Variants in IGFBP4 observed in about 807,000 individuals in gnomAD.
IGFBP4 encodes insulin like growth factor binding protein 4.
A neutral mutation model predicts 25.8 loss-of-function variants in IGFBP4; 9 were observed. The ratio of observed to expected loss-of-function variants is 0.35; its 90% CI spans 0.21 to 0.61. The LOEUF is 0.61. Among genes scored for constraint, IGFBP4 ranks in the 20% least tolerant of loss-of-function variants. IGFBP4 has a pLI of 0.77. For synonymous variants in IGFBP4, 153 were observed against 153.9 expected (o/e 0.99, Z 0.05); for missense variants, 315 against 365.3 (o/e 0.86, Z 1.12).
At chr17:40,447,012 T>C (rs2035651345) in intron 1 of IGFBP4, among the ~76,000 whole-genome samples, 1 of 152,224 alleles carries the variant, frequency 6.6e-6, no homozygotes, top group Admixed American at 6.5e-5. Context: ...GGCCACTGTC[T>C]GCTTTAGGTC....
intron 1 of IGFBP4, among the ~76,000 whole-genome samples, chr17:40,451,966 T>C (rs988750799): frequency 3.3e-5 from 5 of 152,134 alleles, no homozygotes; most frequent in African/African-American, 4.8e-5. Flanking sequence ...GCCTCCTGAG[T>C]AGCTAGGACT....
rs775283030 is a variant in IGFBP4, at chr17:40,454,055, C to G, written c.635C>G (p.Pro212Arg). ...PNCDRNGNFHPKQCHPALDGQ... is the reference protein window; with the variant it reads ...PNCDRNGNFHRKQCHPALDGQ... ...TGCGACCGCAACGGCAACTTCCACC[C>G]CAAGCAGGTGGGTCTCTGTCTCCCG... Residue 212 changes from proline (P) to arginine (R), a missense_variant, in exon 3 of 4, where the codon CCC (proline) becomes CGC (arginine). Pro to Arg is a moderately radical substitution (Grantham distance 103). Coordinates refer to ENST00000269593, the MANE Select transcript of IGFBP4 (RefSeq NM_001552.3). The G allele has an allele frequency of 6.2e-7, 1 of 1,612,470 alleles. No homozygotes were observed. The highest frequency in any genetic ancestry group is 8.5e-7 in the Non-Finnish European group (1 of 1,179,304).
In IGFBP4 at chr17:40,456,652, C is replaced by T; in HGVS notation, c.*69C>T. 1.3e-6 allele frequency: 2 copies of T among 1,484,406 alleles called. No homozygotes were observed. The highest frequency in any genetic ancestry group is 1.8e-6 in the Non-Finnish European group (2 of 1,093,498). 92.0% of individuals were successfully genotyped at this position (1,484,406 alleles called of 1,614,324 possible). ...GTGCTCTGGAGGCTGCAGAGCTGAC[C>T]CAGAGTGGAGTCTGAGTCTGAGTCC... On this transcript the variant is annotated 3_prime_UTR_variant, in exon 4 of 4. Transcript: ENST00000269593.
In IGFBP4 at chr17:40,454,045, A is replaced by C. The variant is rs759138794; in HGVS notation, c.625A>C (p.Asn209His). ...IPIPNCDRNG[N>H]FHPKQCHPAL... ...CATCCCCAACTGCGACCGCAACGGC[A>C]ACTTCCACCCCAAGCAGGTGGGTCT... The change falls in exon 3 of 4, where the codon AAC (asparagine) becomes CAC (histidine). Residue 209 changes from asparagine to histidine, a missense_variant. Asn to His is a moderately conservative substitution (Grantham distance 68, BLOSUM62 1). Transcript: ENST00000269593. 2 of 1,612,418 alleles carry C rather than the reference A, an allele frequency of 1.2e-6. No homozygotes were observed. Among genetic ancestry groups the C allele is most frequent in the Non-Finnish European group, 1.7e-6 (2 of 1,179,374 alleles).
chr17:40,453,042 G>A lies in IGFBP4; in HGVS notation c.407G>A (p.Arg136His), dbSNP rs763326240. The A allele has an allele frequency of 3.9e-5, 62 of 1,597,400 alleles. No individual in the cohort carries two copies. The highest frequency in any genetic ancestry group is 4.7e-5 in the Non-Finnish European group (55 of 1,171,824). Residue 136 changes from arginine to histidine, a missense_variant, in exon 2 of 4, where the codon CGC (arginine) becomes CAC (histidine). Coordinates refer to ENST00000269593, the MANE Select transcript of IGFBP4 (RefSeq NM_001552.3). The surrounding 1 kb of genome is among the most constrained non-coding windows in gnomAD (Gnocchi z 4.0). Reference protein sequence around the residue: ...NSFSPCSAHDRRCLQKHFAKI... With the variant: ...NSFSPCSAHDHRCLQKHFAKI... Reference sequence around the variant, plus strand: ...TTCAGCCCCTGTAGCGCCCATGACCGCAGGTGCCTGCAGAAGCACTTCGCC... The same window carrying A: ...TTCAGCCCCTGTAGCGCCCATGACCACAGGTGCCTGCAGAAGCACTTCGCC...
Position 40,450,282 on chromosome 17 carries a change from G to C in IGFBP4, c.350-2703G>C, listed in dbSNP as rs561834851. ...TCCAAAGTGTTGGGATTACAGGCGT[G>C]AGCCACCCCAGCTGGCCCCTAGTAC... is the stretch of plus-strand genomic sequence containing the variant. On this transcript the variant is annotated intron_variant, in intron 1 of 3. Coordinates refer to ENST00000269593, the MANE Select transcript of IGFBP4 (RefSeq NM_001552.3). 1.6e-4 allele frequency among the ~76,000 whole-genome samples: 24 copies of C among 152,300 alleles called. No individual in the cohort carries two copies. The South Asian group carries it at 3.5e-3, about 22-fold the overall frequency.
In IGFBP4 at chr17:40,453,057, A is replaced by G. The variant is rs777120339; in HGVS notation, c.422A>G (p.Lys141Arg). 7.6e-5 allele frequency: 121 copies of G among 1,601,932 alleles called. 1 individual carries two copies. Among genetic ancestry groups the G allele is most frequent in the Non-Finnish European group, 9.1e-5 (107 of 1,174,244 alleles). Reference sequence around the variant, plus strand: ...GCCCATGACCGCAGGTGCCTGCAGAAGCACTTCGCCAAAATTCGAGACCGG... The same window carrying G: ...GCCCATGACCGCAGGTGCCTGCAGAGGCACTTCGCCAAAATTCGAGACCGG... ...CSAHDRRCLQ[K>R]HFAKIRDRST... The change falls in exon 2 of 4, where the codon AAG (lysine) becomes AGG (arginine). Residue 141 changes from lysine (K) to arginine (R), a missense_variant. By Grantham distance (26) the Lys-to-Arg change is conservative (BLOSUM62 2). Transcript: ENST00000269593. The surrounding 1 kb of genome is among the most constrained non-coding windows in gnomAD (Gnocchi z 4.0).
At chr17:40,445,928 CTCTGGTTGGG>C (rs2035642254) in intron 1 of IGFBP4, among the ~76,000 whole-genome samples, 1 of 152,084 alleles carries the variant, frequency 6.6e-6, no homozygotes, top group South Asian at 2.1e-4. Context: ...ATACCTCATC[CTCTGGTTGGG>C]TAGGAATACT....
rs2035699467 is a variant in IGFBP4, at chr17:40,453,781, C to T, written c.508-147C>T. 1 of 554,624 alleles carries T rather than the reference C, an allele frequency of 1.8e-6. No individual in the cohort carries two copies. The highest frequency in any genetic ancestry group is 3.4e-5 in the East Asian group (1 of 29,438). The allele number at this position is 554,624 out of a possible 1,614,324, so 34.4% of individuals were successfully genotyped here. ...CCCAGTGTGTCCTCCAGACCCAGGC[C>T]TCTCTCTTCACCTCACTGGGTCCTG... is the stretch of plus-strand genomic sequence containing the variant. On this transcript the variant is annotated intron_variant, in intron 2 of 3. Coordinates refer to ENST00000269593, the MANE Select transcript of IGFBP4 (RefSeq NM_001552.3). The surrounding 1 kb of genome is among the most constrained non-coding windows in gnomAD (Gnocchi z 4.0).
At chr17:40,451,762 C>A (rs1209816704) in intron 1 of IGFBP4, among the ~76,000 whole-genome samples, 1 of 152,194 alleles carries the variant, frequency 6.6e-6, no homozygotes, top group Non-Finnish European at 1.5e-5. Context: ...GTTTTGACTG[C>A]TTGGAGGGAG....
chr17:40,450,777 G>A (rs567777000), intron 1 of IGFBP4, among the ~76,000 whole-genome samples: 2 of 151,706 alleles, frequency 1.3e-5, no homozygotes, highest in African/African-American at 2.4e-5. Context: ...CTCCCACCTC[G>A]GCCTCTCAAA....
rs2035716552 is a variant in IGFBP4, at chr17:40,456,679, G to A, written c.*96G>A. On this transcript the variant is annotated 3_prime_UTR_variant, in exon 4 of 4. Coordinates refer to ENST00000269593, the MANE Select transcript of IGFBP4 (RefSeq NM_001552.3). ...AGAGTGGAGTCTGAGTCTGAGTCCTGTCTCTGCCTGCGGCCCAGAAGTTTC... is the reference window on the plus strand; with the variant it reads ...AGAGTGGAGTCTGAGTCTGAGTCCTATCTCTGCCTGCGGCCCAGAAGTTTC... The A allele has an allele frequency of 3.1e-6, 4 of 1,273,982 alleles. No homozygotes were observed. The highest frequency in any genetic ancestry group is 2.7e-4 in the Middle Eastern group (1 of 3,654). 78.9% of individuals were successfully genotyped at this position (1,273,982 alleles called of 1,614,324 possible).
rs1294885055 is a variant in IGFBP4 at position 40,457,437 on chromosome 17, A to G, written c.*854A>G. 1.3e-5 allele frequency: 2 copies of G among 152,136 alleles called. No homozygotes were observed. Among genetic ancestry groups the G allele is most frequent in the East Asian group, 3.9e-4 (2 of 5,180 alleles). 9.4% of individuals were successfully genotyped at this position (152,136 alleles called of 1,614,324 possible). On this transcript the variant is annotated 3_prime_UTR_variant, in exon 4 of 4. Coordinates refer to ENST00000269593, the MANE Select transcript of IGFBP4 (RefSeq NM_001552.3). ...TGAATGTGCCTAATGGAGAAGACCCACGTGCTAGGGGATGAGGGGCTTCCT... is the reference window on the plus strand; with the variant it reads ...TGAATGTGCCTAATGGAGAAGACCCGCGTGCTAGGGGATGAGGGGCTTCCT...
Position 40,443,646 on chromosome 17 carries a change from G to GCCGCCGTGTGCCCT in IGFBP4, c.-83_-70dup, listed in dbSNP as rs1252503158. 1.7e-6 allele frequency: 1 copy of GCCGCCGTGTGCCCT among 599,426 alleles called. No homozygotes were observed. Among genetic ancestry groups the GCCGCCGTGTGCCCT allele is most frequent in the African/African-American group, 2.0e-5 (1 of 49,858 alleles). 37.1% of individuals were successfully genotyped at this position (599,426 alleles called of 1,614,324 possible). On this transcript the variant is annotated 5_prime_UTR_variant, in exon 1 of 4. Coordinates refer to ENST00000269593, the MANE Select transcript of IGFBP4 (RefSeq NM_001552.3). The stretch of plus-strand genomic sequence containing the variant: ...GGGTCCTCCAGGAGCGCCAGGCGCT[G>GCCGCCGTGTGCCCT]CCGCCGTGTGCCCTCCGCCGCTCGC...
intron 1 of IGFBP4, among the ~76,000 whole-genome samples, chr17:40,444,928 G>C (rs78452548): frequency 0.19 from 5,821 of 30,212 alleles, 200 homozygotes; most frequent in African/African-American, 0.26. Context: ...CACACACACA[G>C]AGACAGAGAG....
At chr17:40,452,246 G>A (rs1010148279) in intron 1 of IGFBP4, among the ~76,000 whole-genome samples, 20 of 152,186 alleles carry the variant, frequency 1.3e-4, no homozygotes, top group Non-Finnish European at 2.6e-4. Flanking sequence ...CCCTGGTTCT[G>A]GGCAACCCCT....
At position 40,444,021 on chromosome 17, in the gene IGFBP4, G is replaced by C. The variant is rs1386258774; in HGVS notation, c.286G>C (p.Gly96Arg). Reference sequence around the variant, plus strand: ...GAAGCCCCTGCACACACTGATGCACGGGCAAGGCGTGTGCATGGAGCTGGC... The same window carrying C: ...GAAGCCCCTGCACACACTGATGCACCGGCAAGGCGTGTGCATGGAGCTGGC... Reference protein sequence around the residue: ...VEKPLHTLMHGQGVCMELAEI... With the variant: ...VEKPLHTLMHRQGVCMELAEI... Residue 96 changes from glycine to arginine, a missense_variant, in exon 1 of 4, where the codon GGG becomes CGG. Gly to Arg is a moderately radical substitution (Grantham distance 125, BLOSUM62 -2). Coordinates refer to ENST00000269593, the MANE Select transcript of IGFBP4 (RefSeq NM_001552.3). The C allele has an allele frequency of 6.5e-7, 1 of 1,537,610 alleles. No homozygotes were observed. The highest frequency in any genetic ancestry group is 2.0e-5 in the Admixed American group (1 of 50,804).
At chr17:40,447,427 A>C (rs1164793362) in intron 1 of IGFBP4, among the ~76,000 whole-genome samples, 2 of 152,226 alleles carry the variant, frequency 1.3e-5, no homozygotes, top group African/African-American at 4.8e-5. Flanking sequence ...CTGGGCTCTC[A>C]GTCCCTTTGG....
intron 1 of IGFBP4, among the ~76,000 whole-genome samples, chr17:40,445,418 G>A (rs988860106): frequency 2.0e-5 from 3 of 152,100 alleles, no homozygotes; most frequent in Non-Finnish European, 2.9e-5. Context: ...TTCCATTGTT[G>A]CAGTCCGGAT....
Sources: gnomAD v4.1 joint callset for allele counts (sites outside exome capture counted in the v4.1 genomes callset) on GRCh38, gnomAD v4.1.1 for gene constraint, Gnocchi (gnomAD v3.1) non-coding constraint, MANE v1.5 for transcripts, NCBI Gene and HGNC (gene_info 2026-07-23, HGNC 2026-07-21) for gene names.